MRC1: variants seen among roughly 807,000 people sequenced by gnomAD.
MRC1 encodes mannose receptor C-type 1, also known as macrophage mannose receptor 1.
MRC1 carries 62 observed loss-of-function variants against 102.9 expected under a neutral mutation model. The ratio of observed to expected loss-of-function variants is 0.60; its 90% confidence interval spans 0.49 to 0.74. MRC1 has a LOEUF of 0.74. MRC1 is among the 30% of genes least tolerant of loss of function. The pLI is 0.00. For synonymous variants in MRC1, 457 were observed against 298.4 expected (o/e 1.53, Z -5.48); for missense variants, 1,237 against 862.8 (o/e 1.43, Z -5.43).
In MRC1 at chr10:17,866,693, A is replaced by C. The variant is rs962298698; in HGVS notation, c.1915A>C (p.Thr639Pro). 3.8e-6 allele frequency: 3 copies of C among 780,868 alleles called. No homozygotes were observed. Among genetic ancestry groups the C allele is most frequent in the Non-Finnish European group, 7.2e-6 (3 of 417,960 alleles). The allele number at this position is 780,868 out of a possible 1,614,324, so 48.4% of individuals were successfully genotyped here. The change falls in exon 12 of 30, where the codon ACG becomes CCG. Residue 639 changes from threonine to proline, a missense_variant. Transcript: ENST00000569591. The stretch of plus-strand genomic sequence containing the variant: ...AGGAGTAACCCACCCACCGAAGCCC[A>C]CGACGACTCCCGAACCCAAATGTCC... Reference protein sequence around the residue: ...AEGVTHPPKPTTTPEPKCPED... With the variant: ...AEGVTHPPKPPTTPEPKCPED...
At chr10:17,868,626 C>T (rs916189151) in intron 12 of MRC1, among the ~76,000 whole-genome samples, 1 of 152,204 alleles carries the variant, frequency 6.6e-6, no homozygotes, top group Non-Finnish European at 1.5e-5. Flanking sequence ...CTCTGTACTT[C>T]TTTTATTCAA....
At chr10:17,894,837 C>G (rs1833733500) in intron 23 of MRC1, among the ~76,000 whole-genome samples, 1 of 152,100 alleles carries the variant, frequency 6.6e-6, no homozygotes, top group Non-Finnish European at 1.5e-5. Context: ...TGCATTAGCT[C>G]TTTGTCCTGA....
intron 2 of MRC1, among the ~76,000 whole-genome samples, chr10:17,826,489 A>C (rs559420739): frequency 0.61 from 93,190 of 152,086 alleles, 29,247 homozygotes; most frequent in African/African-American, 0.75. Flanking sequence ...AGCGTGAGAC[A>C]AGCTAAGAAC....
intron 5 of MRC1, chr10:17,845,039 G>T (rs1838804711): frequency 1.3e-6 from 1 of 741,322 alleles, no homozygotes; most frequent in Admixed American, 1.7e-5. Flanking sequence ...GGGGGAAAGG[G>T]TTGTTTCAAA....
chr10:17,881,549 A>G (rs1833517642), intron 21 of MRC1, among the ~76,000 whole-genome samples: 1 of 152,104 alleles, frequency 6.6e-6, no homozygotes, highest in African/African-American at 2.4e-5. Context: ...AAAGAAGAGT[A>G]CTTCTAAGAA....
At position 17,874,753 on chromosome 10, in the gene MRC1, G is replaced by A. The variant is rs1035706096; in HGVS notation, c.2387-337G>A. 9.1e-3 allele frequency among the ~76,000 whole-genome samples: 1,376 copies of A among 151,382 alleles called. 24 individuals carry two copies. Among genetic ancestry groups the A allele is most frequent in the African/African-American group, 0.032 (1,306 of 41,220 alleles). On this transcript the variant is annotated intron_variant, in intron 16 of 29. Coordinates refer to ENST00000569591, the MANE Select transcript of MRC1 (RefSeq NM_002438.4). ...GCTTTCTCATAGTTCCCACTCCTTT[G>A]ATGTAGAAGATTATGGGTGCATTAT...
rs1223363671 is a variant in MRC1 at position 17,901,992 on chromosome 10, C to G, written c.3669C>G (p.Pro1223=). The change falls in exon 26 of 30, where the codon CCC becomes CCG. Residue 1223 remains proline, a synonymous_variant. Transcript: ENST00000569591. ...TAACAGAAATCCCTGCTACTGAACC[C>G]CCACAACTGCCTGGCAGATGCCCGG... is the stretch of plus-strand genomic sequence containing the variant. The part of the protein sequence containing the change: ...KRSDEIPATE[P]PQLPGRCPES... 37 of 780,584 alleles carry G rather than the reference C, an allele frequency of 4.7e-5. No homozygotes were observed. The highest frequency in any genetic ancestry group is 5.5e-5 in the Non-Finnish European group (23 of 417,952). The allele number at this position is 780,584 out of a possible 1,614,324, so 48.4% of individuals were successfully genotyped here. A position where few individuals can be genotyped will look rare whatever the true frequency, so the allele number is the denominator to read the frequency against.
At chr10:17,887,038 A>G (rs1833607143) in intron 22 of MRC1, among the ~76,000 whole-genome samples, 1 of 152,202 alleles carries the variant, frequency 6.6e-6, no homozygotes. Context: ...TTTGGTAGCT[A>G]TTTGCCGGGT....
At chr10:17,865,908 A>G (rs1375847574) in intron 11 of MRC1, among the ~76,000 whole-genome samples, 1 of 152,226 alleles carries the variant, frequency 6.6e-6, no homozygotes, top group Non-Finnish European at 1.5e-5. Flanking sequence ...TCATTGTAGC[A>G]GCAAAGAATC....
chr10:17,844,604 TA>T (rs1463923439), intron 5 of MRC1, among the ~76,000 whole-genome samples: 3 of 152,214 alleles, frequency 2.0e-5, no homozygotes, highest in Non-Finnish European at 4.4e-5. Flanking sequence ...GAGATACATG[TA>T]CACGGTTGTT....
At chr10:17,885,656 GA>G (rs1833582557) in intron 22 of MRC1, among the ~76,000 whole-genome samples, 2 of 152,104 alleles carry the variant, frequency 1.3e-5, no homozygotes, top group Admixed American at 1.3e-4. Context: ...GAGAGGTCAG[GA>G]AACCCAGTTC....
At chr10:17,903,955 C>CA (rs1314799245) in intron 26 of MRC1, among the ~76,000 whole-genome samples, 4,532 of 147,420 alleles carry the variant, frequency 0.031, 225 homozygotes, top group African/African-American at 0.11. Context: ...GACTTCATTT[C>CA]AAAAGAAAAA....
chr10:17,867,364 CCTT>C (rs782794499), intron 12 of MRC1, among the ~76,000 whole-genome samples: 4,761 of 141,284 alleles, frequency 0.034, 120 homozygotes, highest in Middle Eastern at 0.096. Context: ...TTCTCCTTCT[CCTT>C]CTTCTTCTTC....
At chr10:17,815,090 A>G (rs1384905101) in intron 1 of MRC1, among the ~76,000 whole-genome samples, 6 of 152,188 alleles carry the variant, frequency 3.9e-5, no homozygotes, top group African/African-American at 9.7e-5. Context: ...AATATATATT[A>G]AGCAATTCCT....
At chr10:17,873,148 T>C (rs1411018745) in intron 15 of MRC1, among the ~76,000 whole-genome samples, 4 of 152,202 alleles carry the variant, frequency 2.6e-5, no homozygotes, top group South Asian at 4.1e-4. Context: ...CTTTATCAGC[T>C]TTCAACAAAA....
chr10:17,909,237 C>G (rs472058), intron 28 of MRC1, 69 bp from the exon 29 acceptor site: 147,389 of 774,454 alleles, frequency 0.19, 16,217 homozygotes, highest in East Asian at 0.37. Context: ...TATTTGTGAG[C>G]CAAATAATAT....
At chr10:17,827,251 C>T (rs1349497746) in intron 2 of MRC1, among the ~76,000 whole-genome samples, 1 of 151,358 alleles carries the variant, frequency 6.6e-6, no homozygotes, top group East Asian at 1.9e-4. Flanking sequence ...AAATTAGTCT[C>T]GTTTGAAAAT....
chr10:17,813,676 C>T (rs1838260232), intron 1 of MRC1, among the ~76,000 whole-genome samples: 1 of 137,614 alleles, frequency 7.3e-6, no homozygotes, highest in Non-Finnish European at 1.5e-5. Context: ...CACACACACA[C>T]ACACATTATA....
intron 5 of MRC1, among the ~76,000 whole-genome samples, chr10:17,842,514 C>T (rs890111563): frequency 6.6e-6 from 1 of 152,042 alleles, no homozygotes; most frequent in East Asian, 1.9e-4. Context: ...GTAAAAATTT[C>T]TGGAATATGG....
Sources: gnomAD v4.1 joint callset for allele counts (sites outside exome capture counted in the v4.1 genomes callset) on GRCh38, gnomAD v4.1.1 for gene constraint, MANE v1.5 for transcripts, NCBI Gene and HGNC (gene_info 2026-07-23, HGNC 2026-07-21) for gene names.